The following PLA2G2C variants were observed in gnomAD, a reference collection of about 807,000 sequenced individuals.
PLA2G2C encodes phospholipase A2 group IIC, also known as putative inactive group IIC secretory phospholipase A2.
Under a neutral mutation model 14.3 loss-of-function variants are expected in PLA2G2C, and 15 were observed. That is an observed-to-expected ratio of 1.05 (90% confidence interval 0.70 to 1.62). The LOEUF is 1.62. PLA2G2C is among the 40% of genes most tolerant of loss of function. PLA2G2C has a pLI of 0.00. For synonymous variants in PLA2G2C, 79 were observed against 67.7 expected, an observed-to-expected ratio of 1.17 and a Z score of -0.82; for missense variants, 162 against 173.2, an observed-to-expected ratio of 0.94 and a Z score of 0.36.
chr1:20,184,037 G>A (rs2018319913), intron 1 of PLA2G2C, among the ~76,000 whole-genome samples: 2 of 152,198 alleles, frequency 1.3e-5, no homozygotes, highest in Non-Finnish European at 1.5e-5. Flanking sequence ...ATGGACTGGC[G>A]CCTTCCTTTC....
intron 1 of PLA2G2C, among the ~76,000 whole-genome samples, chr1:20,182,218 A>G (rs1319271481): frequency 6.6e-6 from 1 of 152,250 alleles, no homozygotes; most frequent in Admixed American, 6.5e-5. Flanking sequence ...TTTTGGTCCA[A>G]TGACAGACCA....
chr1:20,175,421 T>A (rs2018166610), intron 2 of PLA2G2C, among the ~76,000 whole-genome samples: 1 of 151,942 alleles, frequency 6.6e-6, no homozygotes, highest in Non-Finnish European at 1.5e-5. Flanking sequence ...ACCATAGTCT[T>A]CCCCCTCAAA....
At chr1:20,171,758 CTTTTT>C (rs10710359) in intron 4 of PLA2G2C, among the ~76,000 whole-genome samples, 5 of 121,522 alleles carry the variant, frequency 4.1e-5, no homozygotes, top group South Asian at 2.8e-4. Flanking sequence ...GCCACTTCTT[CTTTTT>C]TTTTTTTTTT....
intron 1 of PLA2G2C, among the ~76,000 whole-genome samples, chr1:20,183,676 T>C (rs1290150729): frequency 6.6e-6 from 1 of 152,074 alleles, no homozygotes; most frequent in Non-Finnish European, 1.5e-5. Flanking sequence ...AGGAAAGGGC[T>C]TCACGGAAGA....
chr1:20,186,162 G>A (rs1055830760), intron 1 of PLA2G2C, 198 bp downstream of exon 1: 2 of 152,598 alleles, frequency 1.3e-5, no homozygotes, highest in African/African-American at 4.8e-5. Flanking sequence ...AGGTGAGAGC[G>A]GCTGCCCGAT....
At chr1:20,181,880 G>C (rs2018284217) in intron 1 of PLA2G2C, among the ~76,000 whole-genome samples, 1 of 152,154 alleles carries the variant, frequency 6.6e-6, no homozygotes, top group Admixed American at 6.5e-5. Context: ...AGACTGCAAG[G>C]GTGGAGAGCA....
intron 1 of PLA2G2C, among the ~76,000 whole-genome samples, chr1:20,178,414 G>C (rs538663234): frequency 1.3e-5 from 2 of 152,326 alleles, no homozygotes; most frequent in South Asian, 4.1e-4. Flanking sequence ...AAGCTTCCAA[G>C]GAAAACTTCA....
chr1:20,172,051 C>A (rs1286659181), intron 4 of PLA2G2C, among the ~76,000 whole-genome samples: 1 of 152,058 alleles, frequency 6.6e-6, no homozygotes, highest in East Asian at 1.9e-4. Context: ...GCGTGAGCCA[C>A]CGCGCCCGGC....
chr1:20,184,801 T>G (rs1569942677), intron 1 of PLA2G2C, among the ~76,000 whole-genome samples: 1 of 148,464 alleles, frequency 6.7e-6, no homozygotes, highest in Non-Finnish European at 1.5e-5. Context: ...GGGAGGGAGG[T>G]GGGAGAGGGA....
In PLA2G2C at chr1:20,172,906, G is replaced by T; in HGVS notation, c.180-9C>A. ...GAGATGAGGGGCTGTGCCTGGAAGT[G>T]GGTCCCTCAGGAATCTGCTGGAGGA... is the stretch of plus-strand genomic sequence containing the variant. On this transcript the variant is annotated splice_polypyrimidine_tract_variant and intron_variant, in intron 3 of 4. Transcript: ENST00000679259. 1 of 1,607,266 alleles carries T rather than the reference G, an allele frequency of 6.2e-7. No homozygotes were observed. Among genetic ancestry groups the T allele is most frequent in the Non-Finnish European group, 8.5e-7 (1 of 1,174,366 alleles).
At chr1:20,182,908 C>A (rs1163153558) in intron 1 of PLA2G2C, among the ~76,000 whole-genome samples, 1 of 152,226 alleles carries the variant, frequency 6.6e-6, no homozygotes, top group African/African-American at 2.4e-5. Flanking sequence ...CATTTGGACC[C>A]CAAGCCAAAT....
chr1:20,182,563 T>G (rs114719964), intron 1 of PLA2G2C, among the ~76,000 whole-genome samples: 1,848 of 152,320 alleles, frequency 0.012, 40 homozygotes, highest in African/African-American at 0.042. Flanking sequence ...TGTATCCCCA[T>G]GGTTAAGTGA....
At chr1:20,173,353 CA>C (rs1487436150) in intron 3 of PLA2G2C, among the ~76,000 whole-genome samples, 3 of 152,016 alleles carry the variant, frequency 2.0e-5, no homozygotes, top group Non-Finnish European at 1.5e-5. Context: ...TAATAATAAC[CA>C]GTAGCATTTC....
At chr1:20,181,265 T>G (rs1006469141) in intron 1 of PLA2G2C, among the ~76,000 whole-genome samples, 1 of 152,090 alleles carries the variant, frequency 6.6e-6, no homozygotes, top group African/African-American at 2.4e-5. Flanking sequence ...TTAAGAGTCT[T>G]ATCATACTTC....
chr1:20,183,012 G>A (rs568638968), intron 1 of PLA2G2C, among the ~76,000 whole-genome samples: 14 of 152,310 alleles, frequency 9.2e-5, no homozygotes, highest in Non-Finnish European at 1.8e-4. Flanking sequence ...TGCCGAGCAC[G>A]TATCACAAAG....
At chr1:20,164,232 G>A in intron 4 of PLA2G2C, 75 bp from the exon 5 acceptor site, 2 of 1,463,530 alleles carry the variant, frequency 1.4e-6, no homozygotes. Context: ...GGGAGAACTG[G>A]GAGCTCACTG....
chr1:20,169,427 G>A (rs570304072), intron 4 of PLA2G2C, among the ~76,000 whole-genome samples: 1 of 152,106 alleles, frequency 6.6e-6, no homozygotes, highest in African/African-American at 2.4e-5. Flanking sequence ...TGATCCTCCC[G>A]CCTCAGCCTC....
intron 4 of PLA2G2C, 129 bp from the exon 5 acceptor site, chr1:20,164,286 G>T: frequency 1.1e-6 from 1 of 911,060 alleles, no homozygotes; most frequent in Non-Finnish European, 1.6e-6. Context: ...CCACTGAAAG[G>T]GATACGTGTA....
At chr1:20,165,779 C>A (rs746677294) in intron 4 of PLA2G2C, among the ~76,000 whole-genome samples, 1 of 151,768 alleles carries the variant, frequency 6.6e-6, no homozygotes, top group East Asian at 1.9e-4. Flanking sequence ...TATGTGCGTG[C>A]GCATGTGTGT....
Sources: gnomAD v4.1 joint callset for allele counts (sites outside exome capture counted in the v4.1 genomes callset) on GRCh38, gnomAD v4.1.1 for gene constraint, MANE v1.5 for transcripts, NCBI Gene and HGNC (gene_info 2026-07-23, HGNC 2026-07-21) for gene names.